The following PRH1 variants were observed in gnomAD, a reference collection of about 807,000 sequenced individuals.
PRH1 encodes the protein proline rich protein HaeIII subfamily 1.
A neutral mutation model predicts 7.9 loss-of-function variants in PRH1; 7 were observed. The ratio of observed to expected loss-of-function variants is 0.89; its 90% CI spans 0.50 to 1.67. The LOEUF (loss-of-function observed/expected upper bound fraction) is 1.67, where lower values mean the gene tolerates loss of function less well. Among genes scored for constraint, PRH1 ranks in the 40% most tolerant of loss-of-function variants. The probability of loss-of-function intolerance (pLI) is 0.00; values close to 1 mark genes in which losing one functional copy is unlikely to be tolerated. For missense variants in PRH1, 109 were observed against 223.6 expected, an observed-to-expected ratio of 0.49 and a Z score of 3.27; for synonymous variants, 45 against 80.8, an observed-to-expected ratio of 0.56 and a Z score of 2.38.
chr12:11,018,194 C>T (rs2136059254), intron 1 of PRH1, among the ~76,000 whole-genome samples: 1 of 152,246 alleles, frequency 6.6e-6, no homozygotes. Context: ...AGAAAGCAAA[C>T]CCCTAGGGAA....
At chr12:10,951,829 AT>A (rs1937687884) in intron 2 of PRH1, among the ~76,000 whole-genome samples, 1 of 152,130 alleles carries the variant, frequency 6.6e-6, no homozygotes, top group African/African-American at 2.4e-5. Flanking sequence ...TATTTTTATT[AT>A]TTAATGGTTT....
At chr12:10,997,357 G>A (rs1940324299) in intron 1 of PRH1, 2 of 1,614,082 alleles carry the variant, frequency 1.2e-6, no homozygotes, top group Non-Finnish European at 1.7e-6. Context: ...AGTTGGAAAG[G>A]TGCATTGCAT....
chr12:11,069,648 C>T (rs1272162826), intron 1 of PRH1, among the ~76,000 whole-genome samples: 2 of 152,170 alleles, frequency 1.3e-5, no homozygotes, highest in East Asian at 1.9e-4. Flanking sequence ...ATCAATGAAA[C>T]GATGACAGCA....
At chr12:11,166,846 T>C (rs1947598118) in intron 1 of PRH1, among the ~76,000 whole-genome samples, 1 of 152,238 alleles carries the variant, frequency 6.6e-6, no homozygotes, top group Non-Finnish European at 1.5e-5. Context: ...CATTGCTTTC[T>C]GGAGGCTCTA....
At chr12:10,903,352 T>TC (rs1949750259) in intron 2 of PRH1, among the ~76,000 whole-genome samples, 1 of 152,072 alleles carries the variant, frequency 6.6e-6, no homozygotes, top group African/African-American at 2.4e-5. Context: ...GCACCAAGAT[T>TC]CATGAAACAA....
chr12:11,136,015 C>T (rs1946539837), intron 1 of PRH1, among the ~76,000 whole-genome samples: 1 of 152,034 alleles, frequency 6.6e-6, no homozygotes, highest in Admixed American at 6.6e-5. Context: ...TTCAAGTAAC[C>T]ATTATGTGGA....
chr12:11,148,459 C>T (rs1354452179), intron 1 of PRH1, among the ~76,000 whole-genome samples: 1 of 144,142 alleles, frequency 6.9e-6, no homozygotes, highest in East Asian at 2.0e-4. Flanking sequence ...TGAGATACGT[C>T]CCATCAATAC....
intron 1 of PRH1, among the ~76,000 whole-genome samples, chr12:11,148,199 G>T (rs999707458): frequency 6.8e-6 from 1 of 146,794 alleles, no homozygotes; most frequent in Admixed American, 6.9e-5. Flanking sequence ...TGAGACAATG[G>T]GATTTTCTAG....
intron 1 of PRH1, among the ~76,000 whole-genome samples, chr12:11,069,465 GAC>G (rs1943968442): frequency 6.7e-6 from 1 of 149,572 alleles, no homozygotes; most frequent in Non-Finnish European, 1.5e-5. Flanking sequence ...AGAGACAAAA[GAC>G]AACTAGCAAA....
chr12:10,960,211 C>A lies in PRH1; in HGVS notation c.-59+13444G>T, dbSNP rs144352974. Among the ~76,000 whole-genome samples, 700 of 152,286 alleles carry A rather than the reference C, an allele frequency of 4.6e-3. 6 individuals are homozygous for A. Among genetic ancestry groups the A allele is most frequent in the African/African-American group, 0.016 (674 of 41,560 alleles). On this transcript the variant is annotated intron_variant, in intron 2 of 3. Transcript: ENST00000539853. ...AAAAGCTGAGTCCTGAGGTCAGGCACTGATATGACAAATCAAAGACCCTCA... is the reference window on the plus strand; with the variant it reads ...AAAAGCTGAGTCCTGAGGTCAGGCAATGATATGACAAATCAAAGACCCTCA...
intron 2 of PRH1, 34 bp from the exon 3 acceptor site, chr12:10,882,732 T>G (rs1291719598): frequency 1.3e-6 from 2 of 1,598,708 alleles, no homozygotes; most frequent in Admixed American, 3.4e-5. Context: ...GCTGAGCTCA[T>G]GCTGGAAAAC....
At chr12:11,114,170 A>T (rs1359057820) in intron 1 of PRH1, among the ~76,000 whole-genome samples, 1 of 152,178 alleles carries the variant, frequency 6.6e-6, no homozygotes, top group African/African-American at 2.4e-5. Flanking sequence ...TACCCAAAGG[A>T]TTATAAATTA....
chr12:11,057,481 C>T (rs1385008511), intron 1 of PRH1, among the ~76,000 whole-genome samples: 4 of 152,214 alleles, frequency 2.6e-5, no homozygotes, highest in Admixed American at 1.3e-4. Flanking sequence ...ATTATTATAG[C>T]AGGACCAAGT....
chr12:11,048,308 C>CA (rs1334972984), upstream of PRH1: 2 of 241,244 alleles, frequency 8.3e-6, no homozygotes, highest in Non-Finnish European at 1.7e-5. Flanking sequence ...AAAAGATACA[C>CA]AATGCTCCCT....
At chr12:11,109,483 A>G (rs1313772944) in intron 1 of PRH1, among the ~76,000 whole-genome samples, 3 of 152,196 alleles carry the variant, frequency 2.0e-5, no homozygotes, top group Non-Finnish European at 4.4e-5. Context: ...ACAGGCAGCA[A>G]TATTTGCTGT....
chr12:11,070,165 G>A (rs1591946730), intron 1 of PRH1, among the ~76,000 whole-genome samples: 1 of 119,238 alleles, frequency 8.4e-6, no homozygotes, highest in East Asian at 2.1e-4. Flanking sequence ...CCAGGGAGAG[G>A]CAATTTCACA....
At chr12:10,996,961 G>C in intron 1 of PRH1, 1 of 1,612,060 alleles carries the variant, frequency 6.2e-7, no homozygotes, top group South Asian at 1.1e-5. Context: ...GAGTTGACTG[G>C]TTCTGTCCTT....
intron 1 of PRH1, among the ~76,000 whole-genome samples, chr12:10,979,216 A>AT (rs1939242879): frequency 1.3e-5 from 2 of 152,238 alleles, no homozygotes; most frequent in South Asian, 4.1e-4. Flanking sequence ...CAATTTACTT[A>AT]TATAACAAAC....
At position 11,083,070 on chromosome 12, in the gene PRH1, T is replaced by A. The variant is rs1565634076; in HGVS notation, n.124-35882A>T. On this transcript the variant is annotated intron_variant and non_coding_transcript_variant, in intron 1 of 4. Coordinates refer to the PRH1 transcript ENST00000541977. ...ATATTTTTTCACACATGTGTACACA[T>A]GCATGGTATTAAAATCTTTGAATGG... Among the ~76,000 whole-genome samples, 3 of 116,894 alleles carry A rather than the reference T, an allele frequency of 2.6e-5. 1 individual carries two copies. Among genetic ancestry groups the A allele is most frequent in the Admixed American group, 8.6e-5 (1 of 11,632 alleles). The allele number at this position is 116,894 out of a possible 152,430, so 76.7% of individuals were successfully genotyped here.
Sources: gnomAD v4.1 joint callset for allele counts (sites outside exome capture counted in the v4.1 genomes callset) on GRCh38, gnomAD v4.1.1 for gene constraint, MANE v1.5 for transcripts, NCBI Gene and HGNC (gene_info 2026-07-23, HGNC 2026-07-21) for gene names.